The following NALF1 variants were observed in gnomAD, a reference collection of about 807,000 sequenced individuals.
NALF1 encodes the protein family with sequence similarity 155 member A.
In NALF1, 3 loss-of-function variants were observed where a neutral mutation model predicts 48.4. That is an observed-to-expected ratio of 0.06 (90% CI 0.03 to 0.16). The LOEUF (loss-of-function observed/expected upper bound fraction) is 0.16, where lower values mean the gene tolerates loss of function less well. NALF1 is among the 10% of genes least tolerant of loss of function. NALF1 has a pLI of 1.00. For synonymous variants in NALF1, 262 were observed against 245.7 expected (o/e 1.07, Z -0.62); for missense variants, 526 against 571.5 (o/e 0.92, Z 0.81).
At chr13:107,589,009 A>C (rs1228545235) in intron 1 of NALF1, among the ~76,000 whole-genome samples, 1 of 152,108 alleles carries the variant, frequency 6.6e-6, no homozygotes, top group African/African-American at 2.4e-5. Context: ...AAGTTAGCCT[A>C]AAATATTCAG....
rs76109061 is a variant in NALF1, at chr13:107,232,346, G to A, written c.916-21591C>T. 1.9e-3 allele frequency among the ~76,000 whole-genome samples: 285 copies of A among 152,272 alleles called. 3 individuals are homozygous for A. In the East Asian group the frequency reaches 0.045, roughly 24 times the overall value. ...AGTCTGTTCCAGGATGGAGAGGGTCGCGGTCACTAGAAATCATCTTGGAGG... is the reference window on the plus strand; with the variant it reads ...AGTCTGTTCCAGGATGGAGAGGGTCACGGTCACTAGAAATCATCTTGGAGG... On this transcript the variant is annotated intron_variant, in intron 1 of 2. Transcript: ENST00000375915.
intron 1 of NALF1, among the ~76,000 whole-genome samples, chr13:107,278,590 GC>G (rs541642909): frequency 6.6e-6 from 1 of 152,146 alleles, no homozygotes; most frequent in Non-Finnish European, 1.5e-5. Flanking sequence ...AAAAACAAAT[GC>G]CATATCTTCT....
At chr13:107,424,786 C>T (rs539762901) in intron 1 of NALF1, among the ~76,000 whole-genome samples, 16 of 152,316 alleles carry the variant, frequency 1.1e-4, no homozygotes, top group African/African-American at 3.8e-4. Context: ...ATGTATCTAC[C>T]TCCTTTCAAA....
chr13:107,345,664 T>C (rs1422263860), intron 1 of NALF1, among the ~76,000 whole-genome samples: 1 of 152,170 alleles, frequency 6.6e-6, no homozygotes, highest in Admixed American at 6.6e-5. Flanking sequence ...CTACATGTAA[T>C]ACCTGAAACT....
At chr13:107,402,422 C>A (rs573319771) in intron 1 of NALF1, among the ~76,000 whole-genome samples, 4 of 152,278 alleles carry the variant, frequency 2.6e-5, no homozygotes, top group Admixed American at 2.6e-4. Flanking sequence ...TTGGAGAGAT[C>A]CAAAGCAGAG....
At chr13:107,628,449 G>T (rs1879743906) in intron 1 of NALF1, among the ~76,000 whole-genome samples, 1 of 152,080 alleles carries the variant, frequency 6.6e-6, no homozygotes. Flanking sequence ...ATACGCTAAT[G>T]GATCTCCTGC....
At chr13:107,723,090 T>C (rs1352473544) in intron 1 of NALF1, among the ~76,000 whole-genome samples, 1 of 152,200 alleles carries the variant, frequency 6.6e-6, no homozygotes, top group African/African-American at 2.4e-5. Context: ...ACATCCTGAT[T>C]AATTATTGCC....
intron 1 of NALF1, among the ~76,000 whole-genome samples, chr13:107,760,466 C>T (rs1376208918): frequency 6.6e-6 from 1 of 152,130 alleles, no homozygotes; most frequent in African/African-American, 2.4e-5. Flanking sequence ...TTCCCCCTTC[C>T]ACTCTCAAAA....
At chr13:107,547,639 A>G (rs1262802367) in intron 1 of NALF1, among the ~76,000 whole-genome samples, 2 of 152,174 alleles carry the variant, frequency 1.3e-5, no homozygotes, top group Non-Finnish European at 2.9e-5. Flanking sequence ...TGGTGAAGCC[A>G]GTTTAGAACA....
chr13:107,524,269 A>T (rs1018043994), intron 1 of NALF1, among the ~76,000 whole-genome samples: 22 of 152,158 alleles, frequency 1.4e-4, no homozygotes, highest in Admixed American at 6.6e-5. Context: ...AGATGTTGGA[A>T]AAGTCAAGTG....
At chr13:107,540,049 TACACACAC>T (rs143201791) in intron 1 of NALF1, among the ~76,000 whole-genome samples, 2 of 149,416 alleles carry the variant, frequency 1.3e-5, no homozygotes, top group Non-Finnish European at 3.0e-5. Flanking sequence ...GCTTCTGATG[TACACACAC>T]ACACACACAC....
At chr13:107,446,786 T>A (rs2139031336) in intron 1 of NALF1, among the ~76,000 whole-genome samples, 1 of 152,302 alleles carries the variant, frequency 6.6e-6, no homozygotes, top group Admixed American at 6.5e-5. Flanking sequence ...ATCTTACTAT[T>A]TATGTCCTAT....
chr13:107,860,686 C>T (rs186909883), intron 1 of NALF1, among the ~76,000 whole-genome samples: 24 of 152,160 alleles, frequency 1.6e-4, no homozygotes, highest in Non-Finnish European at 3.1e-4. Flanking sequence ...AGCAACACAG[C>T]GGATAAAGAT....
intron 1 of NALF1, among the ~76,000 whole-genome samples, chr13:107,574,451 G>A (rs1181888693): frequency 6.6e-6 from 1 of 152,086 alleles, no homozygotes; most frequent in African/African-American, 2.4e-5. Context: ...CTTGATGGCT[G>A]GTATATTCTT....
intron 1 of NALF1, among the ~76,000 whole-genome samples, chr13:107,262,233 A>T (rs1317364555): frequency 6.6e-6 from 1 of 152,050 alleles, no homozygotes; most frequent in Non-Finnish European, 1.5e-5. Context: ...TGGCCAACAT[A>T]GTGAAACCCC....
At chr13:107,659,868 T>C (rs1286255841) in intron 1 of NALF1, among the ~76,000 whole-genome samples, 2 of 151,336 alleles carry the variant, frequency 1.3e-5, no homozygotes, top group Non-Finnish European at 2.9e-5. Flanking sequence ...TGGAGTGCAG[T>C]GGTGCAATCT....
Position 107,166,006 on chromosome 13 carries a change from A to ATGTG in NALF1, c.*4487_*4490dup, listed in dbSNP as rs71204815. On this transcript the variant is annotated 3_prime_UTR_variant, in exon 3 of 3. Coordinates refer to ENST00000375915, the MANE Select transcript of NALF1 (RefSeq NM_001080396.3). ...TTGGTTGAAGTTTTATTTGCAAGCG[A>ATGTG]TGTGTGTGTGTGTGTGTGTGTGTGT... 0.042 allele frequency: 6,176 copies of ATGTG among 146,160 alleles called. 137 individuals are homozygous for ATGTG. The highest frequency in any genetic ancestry group is 0.048 in the African/African-American group (1,909 of 39,552). The allele number at this position is 146,160 out of a possible 1,614,324, so 9.1% of individuals were successfully genotyped here.
intron 2 of NALF1, among the ~76,000 whole-genome samples, chr13:107,193,665 T>G (rs1879327577): frequency 6.6e-6 from 1 of 152,112 alleles, no homozygotes; most frequent in Non-Finnish European, 1.5e-5. Flanking sequence ...GACCAGAGAA[T>G]TCCATTCCTG....
chr13:107,865,546 A>C, intron 1 of NALF1, 136 bp downstream of exon 1: 1 of 1,198,826 alleles, frequency 8.3e-7, no homozygotes, highest in East Asian at 2.4e-5. Flanking sequence ...ACAGCAAGCC[A>C]AGCTCTTAAT....
Sources: gnomAD v4.1 joint callset for allele counts (sites outside exome capture counted in the v4.1 genomes callset) on GRCh38, gnomAD v4.1.1 for gene constraint, MANE v1.5 for transcripts, NCBI Gene and HGNC (gene_info 2026-07-23, HGNC 2026-07-21) for gene names.